Variants in ZAN observed in about 807,000 individuals in gnomAD.
ZAN encodes zonadhesin (gene/pseudogene).
A neutral mutation model predicts 286.2 loss-of-function variants in ZAN; 260 were observed. The observed-to-expected ratio is 0.91, with a 90% CI of 0.82 to 1.01. The LOEUF (loss-of-function observed/expected upper bound fraction) is 1.01. Among genes scored for constraint, ZAN ranks in the 50% least tolerant of loss-of-function variants. The probability of loss-of-function intolerance (pLI) is 0.00; values close to 1 mark genes in which losing one functional copy is unlikely to be tolerated. For synonymous variants in ZAN, 1,368 were observed against 1,417.5 expected (o/e 0.97, Z 0.79); for missense variants, 3,410 against 3,639.2 (o/e 0.94, Z 1.62).
At chr7:100,769,523 C>CTTCCT (rs1204146192) in intron 27 of ZAN, among the ~76,000 whole-genome samples, 133 of 144,954 alleles carry the variant, frequency 9.2e-4, no homozygotes, top group Non-Finnish European at 1.5e-4. Context: ...TTTCTTCCTT[C>CTTCCT]TTCCTTTCCT....
chr7:100,790,803 A>C, intron 39 of ZAN, 139 bp from the exon 40 acceptor site: 1 of 939,338 alleles, frequency 1.1e-6, no homozygotes, highest in South Asian at 2.0e-5. Flanking sequence ...GAATTGCTTG[A>C]AACCAGGAGG....
Position 100,768,727 on chromosome 7 carries a change from C to A in ZAN, c.5153+6C>A. ...CCTGAATCCTCTGAACCTGGGTGAG[C>A]TGGGGGTCAGGGGAGCCAGGCAGGA... On this transcript the variant is annotated splice_donor_region_variant and intron_variant, in intron 27 of 47. Transcript: ENST00000613979. 6.3e-7 allele frequency: 1 copy of A among 1,586,376 alleles called. No homozygotes were observed. The highest frequency in any genetic ancestry group is 1.1e-5 in the South Asian group (1 of 87,330).
At position 100,784,747 on chromosome 7, in the gene ZAN, T is replaced by A; in HGVS notation, c.6747T>A (p.Ile2249=). ...KVPSACAEGC[I]CQPGYVLSED... Reference sequence around the variant, plus strand: ...CCTCTGCCTGCGCTGAGGGCTGCATTTGTCAGCCCGGCTATGTGCTGAGTG... The same window carrying A: ...CCTCTGCCTGCGCTGAGGGCTGCATATGTCAGCCCGGCTATGTGCTGAGTG... Residue 2249 remains isoleucine (I), a synonymous_variant, in exon 36 of 48, where the codon ATT becomes ATA. Coordinates refer to ENST00000613979, the MANE Select transcript of ZAN (RefSeq NM_003386.3). 6.2e-7 allele frequency: 1 copy of A among 1,613,856 alleles called. No homozygotes were observed. The highest frequency in any genetic ancestry group is 8.5e-7 in the Non-Finnish European group (1 of 1,179,876).
chr7:100,746,509 C>T (rs766246961), intron 7 of ZAN, 29 bp from the exon 8 acceptor site: 3 of 1,612,664 alleles, frequency 1.9e-6, no homozygotes, highest in Admixed American at 1.7e-5. Flanking sequence ...ATTCCATCCA[C>T]CCCAGTTCCC....
Position 100,737,343 on chromosome 7 carries a change from A to G in ZAN, c.607A>G (p.Asn203Asp). 1 of 1,462,648 alleles carries G rather than the reference A, an allele frequency of 6.8e-7. No individual in the cohort carries two copies. Among genetic ancestry groups the G allele is most frequent in the Non-Finnish European group, 9.3e-7 (1 of 1,074,152 alleles). The allele number at this position is 1,462,648 out of a possible 1,614,324, so 90.6% of individuals were successfully genotyped here. ...CCTCTCTATCCGCCGGGGCTCCTGT[A>G]ATCGCGGTGAGTCCCTGTCCCTCCT... The part of the protein sequence containing the change: ...DALSIRRGSC[N>D]RVCMMQTCSF... The change falls in exon 6 of 48, where the codon AAT becomes GAT. Residue 203 changes from asparagine to aspartate, a missense_variant. By Grantham distance (23) the Asn-to-Asp change is conservative. This residue lies in a region of ZAN where 872 missense variants were observed against 938.9 expected (regional missense o/e 0.93). Coordinates refer to ENST00000613979, the MANE Select transcript of ZAN (RefSeq NM_003386.3).
chr7:100,787,354 T>C (rs1811626804), intron 37 of ZAN, among the ~76,000 whole-genome samples: 1 of 151,864 alleles, frequency 6.6e-6, no homozygotes, highest in African/African-American at 2.4e-5. Context: ...AGGTGGAGGC[T>C]GCAGTGAGCT....
At chr7:100,749,395 C>T (rs1032357132) in intron 11 of ZAN, among the ~76,000 whole-genome samples, 5 of 151,880 alleles carry the variant, frequency 3.3e-5, no homozygotes, top group African/African-American at 1.2e-4. Context: ...AATCCCAGCA[C>T]TTTGGGAGGC....
At chr7:100,758,978 C>T (rs946411894) in intron 17 of ZAN, among the ~76,000 whole-genome samples, 2 of 152,042 alleles carry the variant, frequency 1.3e-5, no homozygotes, top group South Asian at 2.1e-4. Context: ...AACCCCAACA[C>T]TTTGGGAAGC....
chr7:100,742,884 G>GGGGAAGGGGAGGGGGAGA (rs1807907131), intron 7 of ZAN, among the ~76,000 whole-genome samples: 3 of 47,720 alleles, frequency 6.3e-5, no homozygotes, highest in Non-Finnish European at 1.1e-4. Context: ...GGAGAGGGAG[G>GGGGAAGGGGAGGGGGAGA]GGGAGGGGGA....
chr7:100,755,310 G>A lies in ZAN; in HGVS notation c.3209G>A (p.Cys1070Tyr), dbSNP rs896098034. The change falls in exon 15 of 48, where the codon TGT (cysteine) becomes TAT (tyrosine). Residue 1070 changes from cysteine to tyrosine, a missense_variant. Coordinates refer to ENST00000613979, the MANE Select transcript of ZAN (RefSeq NM_003386.3). ...KSPRPSCGPLCREGCVCNPGF... is the reference protein window; with the variant it reads ...KSPRPSCGPLYREGCVCNPGF... ...CCCAGGCCTAGCTGTGGGCCCCTCTGTCGGGAGGGCTGTGTCTGCAACCCT... is the reference window on the plus strand; with the variant it reads ...CCCAGGCCTAGCTGTGGGCCCCTCTATCGGGAGGGCTGTGTCTGCAACCCT... The A allele has an allele frequency of 3.7e-6, 6 of 1,613,786 alleles. No homozygotes were observed. The highest frequency in any genetic ancestry group is 4.2e-6 in the Non-Finnish European group (5 of 1,179,886).
intron 26 of ZAN, 67 bp from the exon 27 acceptor site, chr7:100,768,543 T>G (rs1810162762): frequency 6.8e-6 from 9 of 1,316,884 alleles, no homozygotes; most frequent in Non-Finnish European, 9.4e-6. Flanking sequence ...GCCAGGAGGA[T>G]GGTGGCCCTG....
Position 100,750,692 on chromosome 7 carries a change from C to G in ZAN, c.1317C>G (p.Ser439Arg). 1 of 1,613,232 alleles carries G rather than the reference C, an allele frequency of 6.2e-7. No individual in the cohort carries two copies. Among genetic ancestry groups the G allele is most frequent in the Non-Finnish European group, 8.5e-7 (1 of 1,179,622 alleles). Residue 439 changes from serine (S) to arginine (R), a missense_variant, in exon 12 of 48, where the codon AGC becomes AGG. Ser to Arg is a moderately radical substitution (Grantham distance 110, BLOSUM62 -1). This residue lies in a region of ZAN where 872 missense variants were observed against 938.9 expected (regional missense o/e 0.93). Coordinates refer to ENST00000613979, the MANE Select transcript of ZAN (RefSeq NM_003386.3). ...CAGGCCAGTCAGTCAGACTGGTGAG[C>G]CGGCCCTTCTGCGCCCCAGGTGACA... The part of the protein sequence containing the change: ...SQAGQSVRLV[S>R]RPFCAPGDIC...
Position 100,736,039 on chromosome 7 carries a change from G to A in ZAN, c.106+267G>A, listed in dbSNP as rs1264023176. Among the ~76,000 whole-genome samples the A allele has an allele frequency of 1.3e-4, 19 of 140,920 alleles. 6 individuals are homozygous for A. The highest frequency in any genetic ancestry group is 4.4e-4 in the South Asian group (2 of 4,554). 92.4% of individuals were successfully genotyped at this position (140,920 alleles called of 152,430 possible). A position where few individuals can be genotyped will look rare whatever the true frequency, so the allele number is the denominator to read the frequency against. On this transcript the variant is annotated intron_variant, in intron 3 of 47. Coordinates refer to ENST00000613979, the MANE Select transcript of ZAN (RefSeq NM_003386.3). ...CTCTTTCAAATCTCTGCTCTGGGCC[G>A]GGTGCTGTGGCTCACACCTGTCATC... is the stretch of plus-strand genomic sequence containing the variant.
At chr7:100,796,228 CCTT>C (rs1812353775) in intron 45 of ZAN, among the ~76,000 whole-genome samples, 1 of 152,130 alleles carries the variant, frequency 6.6e-6, no homozygotes, top group South Asian at 2.1e-4. Context: ...CCTCCTGTGT[CCTT>C]CTGTGCCTCT....
chr7:100,783,799 TAC>T (rs753582447), intron 35 of ZAN, among the ~76,000 whole-genome samples: 2,201 of 33,500 alleles, frequency 0.066, 583 homozygotes, highest in East Asian at 0.56. Context: ...TATATATATA[TAC>T]ACACATATAT....
chr7:100,796,441 G>C (rs962338849), intron 45 of ZAN, among the ~76,000 whole-genome samples: 7 of 63,882 alleles, frequency 1.1e-4, no homozygotes, highest in Non-Finnish European at 1.7e-4. Flanking sequence ...TTTTTTTTTT[G>C]AGTCTTGGTC....
Position 100,758,085 on chromosome 7 carries a change from CAAATAAATAAATAAATAAATAAATAAAT to C in ZAN, c.3310-100_3310-73del, listed in dbSNP as rs71517126. ...TGGGCAACAGAGCAAGACTCCATCA[CAAATAAATAAATAAATAAATAAATAAAT>C]AAATAAATAAATAAATGAAAAAGAA... is the stretch of plus-strand genomic sequence containing the variant. On this transcript the variant is annotated intron_variant, in intron 15 of 47. Coordinates refer to ENST00000613979, the MANE Select transcript of ZAN (RefSeq NM_003386.3). 120 of 795,860 alleles carry C rather than the reference CAAATAAATAAATAAATAAATAAATAAAT, an allele frequency of 1.5e-4. 8 individuals are homozygous for C. In the African/African-American group the frequency reaches 2.3e-3, roughly 16 times the overall value. 49.3% of individuals were successfully genotyped at this position (795,860 alleles called of 1,614,324 possible). A position where few individuals can be genotyped will look rare whatever the true frequency, so the allele number is the denominator to read the frequency against.
Position 100,771,996 on chromosome 7 carries a change from G to T in ZAN, c.5401G>T (p.Ala1801Ser). The T allele has an allele frequency of 6.2e-7, 1 of 1,604,956 alleles. No individual in the cohort carries two copies. ...SLCAQAGQAP[A>S]WRNRTFCPMR... ...GTGTGCCCAGGCTGGCCAGGCCCCT[G>T]CCTGGCGGAACAGAACCTTCTGCCG... The change falls in exon 29 of 48, where the codon GCC becomes TCC. Residue 1801 changes from alanine (A) to serine (S), a missense_variant. Ala to Ser is a moderately conservative substitution (Grantham distance 99, BLOSUM62 1). This residue lies in a region of ZAN where 1,289 missense variants were observed against 1,314.3 expected (regional missense o/e 0.98). Coordinates refer to ENST00000613979, the MANE Select transcript of ZAN (RefSeq NM_003386.3).
At chr7:100,742,194 T>C (rs1295751462) in intron 7 of ZAN, among the ~76,000 whole-genome samples, 2 of 101,118 alleles carry the variant, frequency 2.0e-5, no homozygotes, top group East Asian at 2.7e-4. Context: ...AGACGGGGTC[T>C]CGGCCGGGCA....
Sources: gnomAD v4.1 joint callset for allele counts (sites outside exome capture counted in the v4.1 genomes callset) on GRCh38, gnomAD v4.1.1 for gene constraint, gnomAD v4.1.1 regional missense constraint, MANE v1.5 for transcripts, NCBI Gene and HGNC (gene_info 2026-07-23, HGNC 2026-07-21) for gene names.